The following MEGF9 variants were observed in gnomAD, a reference collection of about 807,000 sequenced individuals.
The protein encoded by MEGF9 is multiple epidermal growth factor-like domains protein 9.
MEGF9 carries 6 observed loss-of-function variants against 46.8 expected under a neutral mutation model. The ratio of observed to expected loss-of-function variants is 0.13; its 90% CI spans 0.07 to 0.25. The LOEUF (loss-of-function observed/expected upper bound fraction) is 0.25, where lower values mean the gene tolerates loss of function less well. Ranked by LOEUF, MEGF9 falls within the 10% of genes least tolerant of loss-of-function variation. The pLI is 1.00. For missense variants in MEGF9, 683 were observed against 792.4 expected, an observed-to-expected ratio of 0.86 and a Z score of 1.66; for synonymous variants, 302 against 330.7, an observed-to-expected ratio of 0.91 and a Z score of 0.94.
At chr9:120,670,019 A>G (rs2043741568) in intron 1 of MEGF9, among the ~76,000 whole-genome samples, 1 of 152,230 alleles carries the variant, frequency 6.6e-6, no homozygotes, top group Non-Finnish European at 1.5e-5. Flanking sequence ...AAAAGGTAGA[A>G]GAAAGAGAGA....
In MEGF9 at chr9:120,603,504, G is replaced by A. The variant is rs1024761625; in HGVS notation, c.*1686C>T. 1.3e-5 allele frequency: 2 copies of A among 151,816 alleles called. No individual in the cohort carries two copies. The highest frequency in any genetic ancestry group is 6.5e-5 in the Admixed American group (1 of 15,268). 9.4% of individuals were successfully genotyped at this position (151,816 alleles called of 1,614,324 possible). On this transcript the variant is annotated 3_prime_UTR_variant, in exon 6 of 6. Transcript: ENST00000373930. ...GGGTCTCCTATAAAGGGATGACCAA[G>A]TTCTAGGTTTTTCTCTAGGGAAGTT...
At chr9:120,656,900 G>A (rs7024046) in intron 2 of MEGF9, among the ~76,000 whole-genome samples, 104,086 of 151,992 alleles carry the variant, frequency 0.68, 35,854 homozygotes, top group South Asian at 0.75. Context: ...CTGGGTATAC[G>A]GTGCGACTCT....
chr9:120,703,419 G>T (rs188268846), intron 1 of MEGF9, among the ~76,000 whole-genome samples: 166 of 152,242 alleles, frequency 1.1e-3, no homozygotes, highest in Non-Finnish European at 2.1e-3. Flanking sequence ...TTAACTTTCT[G>T]AATCCCAGTG....
intron 1 of MEGF9, among the ~76,000 whole-genome samples, chr9:120,712,568 CTT>C (rs779252606): frequency 6.6e-6 from 1 of 152,204 alleles, no homozygotes; most frequent in Non-Finnish European, 1.5e-5. Flanking sequence ...GAGATGCACA[CTT>C]GGCTTTTTAT....
intron 1 of MEGF9, among the ~76,000 whole-genome samples, chr9:120,701,765 T>C (rs1410048591): frequency 6.6e-6 from 1 of 152,130 alleles, no homozygotes; most frequent in Non-Finnish European, 1.5e-5. Context: ...CTAGACAAGG[T>C]GGGGAGCAGT....
At chr9:120,606,831 A>T (rs1348798324) in intron 5 of MEGF9, among the ~76,000 whole-genome samples, 1 of 152,212 alleles carries the variant, frequency 6.6e-6, no homozygotes, top group Non-Finnish European at 1.5e-5. Context: ...CTTCACCATG[A>T]AAGCCATATC....
In MEGF9 at chr9:120,602,928, GT is replaced by G; in HGVS notation, c.*2261del. ...CACCTTAATGAAGCACAAACTGGCA[GT>G]TTTGTTTTCTAATCACTAATACTAA... On this transcript the variant is annotated 3_prime_UTR_variant, in exon 6 of 6. Transcript: ENST00000373930. The G allele has an allele frequency of 6.6e-6, 1 of 152,210 alleles. No homozygotes were observed. Among genetic ancestry groups the G allele is most frequent in the Non-Finnish European group, 1.5e-5 (1 of 68,010 alleles). 9.4% of individuals were successfully genotyped at this position (152,210 alleles called of 1,614,324 possible). A position where few individuals can be genotyped will look rare whatever the true frequency, so the allele number is the denominator to read the frequency against.
At chr9:120,613,076 A>G (rs973003692) in intron 3 of MEGF9, among the ~76,000 whole-genome samples, 4 of 152,136 alleles carry the variant, frequency 2.6e-5, no homozygotes, top group African/African-American at 9.7e-5. Context: ...GCCTCCAGTG[A>G]TTCTCCTGCG....
intron 1 of MEGF9, among the ~76,000 whole-genome samples, chr9:120,698,455 T>C (rs974397195): frequency 5.9e-5 from 9 of 152,204 alleles, no homozygotes; most frequent in Admixed American, 6.5e-5. Flanking sequence ...TCTGGAAGGA[T>C]AGGAGGTAGC....
At chr9:120,668,273 T>C (rs2043734082) in intron 1 of MEGF9, among the ~76,000 whole-genome samples, 2 of 152,204 alleles carry the variant, frequency 1.3e-5, no homozygotes, top group South Asian at 4.1e-4. Context: ...ACATTTATGT[T>C]ATGCCAAGGT....
At chr9:120,659,333 C>T (rs767175022) in intron 2 of MEGF9, 41 bp downstream of exon 2, 17 of 1,562,810 alleles carry the variant, frequency 1.1e-5, no homozygotes, top group Non-Finnish European at 1.5e-5. Flanking sequence ...TTTCCCCTTG[C>T]TAAAATAAAA....
chr9:120,674,940 G>A (rs756306522), intron 1 of MEGF9, among the ~76,000 whole-genome samples: 63 of 150,412 alleles, frequency 4.2e-4, no homozygotes, highest in Middle Eastern at 3.2e-3. Context: ...GTGCAGTGGC[G>A]CGATCTCGGC....
At chr9:120,652,489 A>AAC (rs2043657485) in intron 2 of MEGF9, among the ~76,000 whole-genome samples, 1 of 150,094 alleles carries the variant, frequency 6.7e-6, no homozygotes, top group African/African-American at 2.4e-5. Context: ...AAAAAAAAAA[A>AAC]AAAAAAAAAA....
At chr9:120,687,670 C>CTG (rs71385077) in intron 1 of MEGF9, among the ~76,000 whole-genome samples, 8,289 of 141,942 alleles carry the variant, frequency 0.058, 401 homozygotes, top group African/African-American at 0.14. Flanking sequence ...GAACACAACA[C>CTG]TGTGTGTGTG....
In MEGF9 at chr9:120,624,173, T is replaced by A. The variant is rs540119515; in HGVS notation, c.804-1418A>T. On this transcript the variant is annotated intron_variant, in intron 2 of 5. Coordinates refer to ENST00000373930, the MANE Select transcript of MEGF9 (RefSeq NM_001080497.3). The stretch of plus-strand genomic sequence containing the variant: ...TGCTGATTTAAAGTGACTTAATGAA[T>A]CTTGATAAAGTAGTTGTCTGAGTGT... Among the ~76,000 whole-genome samples the A allele has an allele frequency of 7.2e-5, 11 of 152,298 alleles. No homozygotes were observed. The South Asian group carries it at 2.1e-3, about 29-fold the overall frequency.
At chr9:120,711,858 CA>C (rs1423753217) in intron 1 of MEGF9, among the ~76,000 whole-genome samples, 1 of 144,066 alleles carries the variant, frequency 6.9e-6, no homozygotes, top group African/African-American at 2.5e-5. Flanking sequence ...CACACACACA[CA>C]CACACACACA....
At chr9:120,625,971 C>T (rs993154555) in intron 2 of MEGF9, among the ~76,000 whole-genome samples, 2 of 151,478 alleles carry the variant, frequency 1.3e-5, no homozygotes, top group Admixed American at 1.3e-4. Context: ...GACTTGAATG[C>T]TTTCTGAAGC....
intron 2 of MEGF9, among the ~76,000 whole-genome samples, chr9:120,640,611 C>T (rs2043597833): frequency 6.6e-6 from 1 of 151,766 alleles, no homozygotes; most frequent in Non-Finnish European, 1.5e-5. Context: ...TGTGTGCTTT[C>T]TTCATTAACT....
intron 2 of MEGF9, among the ~76,000 whole-genome samples, chr9:120,654,047 A>G (rs2043665447): frequency 6.6e-6 from 1 of 152,194 alleles, no homozygotes; most frequent in Admixed American, 6.5e-5. Flanking sequence ...GGAGGCTGGG[A>G]AGAACACTCT....
Sources: gnomAD v4.1 joint callset for allele counts (sites outside exome capture counted in the v4.1 genomes callset) on GRCh38, gnomAD v4.1.1 for gene constraint, MANE v1.5 for transcripts, NCBI Gene and HGNC (gene_info 2026-07-23, HGNC 2026-07-21) for gene names.